CAMK4: variants seen among roughly 807,000 people sequenced by gnomAD.
CAMK4 encodes calcium/calmodulin dependent protein kinase IV.
In CAMK4, 22 loss-of-function variants were observed where a neutral mutation model predicts 44.9. That is an observed-to-expected ratio of 0.49 (90% confidence interval 0.35 to 0.70). The LOEUF (loss-of-function observed/expected upper bound fraction) is 0.70. CAMK4 is among the 30% of genes least tolerant of loss of function. The probability of loss-of-function intolerance (pLI) is 0.01; values close to 1 mark genes in which losing one functional copy is unlikely to be tolerated. For synonymous variants in CAMK4, 218 were observed against 215.4 expected (o/e 1.01, Z -0.11); for missense variants, 498 against 586.8 (o/e 0.85, Z 1.56).
At chr5:111,362,585 A>G (rs979903799) in intron 2 of CAMK4, among the ~76,000 whole-genome samples, 9 of 152,188 alleles carry the variant, frequency 5.9e-5, no homozygotes, top group East Asian at 1.9e-4. Context: ...TATATTTTCT[A>G]TATTTTTAAA....
At chr5:111,416,848 A>G (rs1752832918) in intron 5 of CAMK4, among the ~76,000 whole-genome samples, 1 of 152,192 alleles carries the variant, frequency 6.6e-6, no homozygotes, top group African/African-American at 2.4e-5. Context: ...TAATTGTATT[A>G]TAAATTGTTA....
At position 111,369,213 on chromosome 5, in the gene CAMK4, G is replaced by A. The variant is rs913063521; in HGVS notation, c.241-5637G>A. Among the ~76,000 whole-genome samples the A allele has an allele frequency of 3.9e-5, 6 of 151,904 alleles. No individual in the cohort carries two copies. In the South Asian group the frequency reaches 1.2e-3, roughly 32 times the overall value. On this transcript the variant is annotated intron_variant, in intron 2 of 10. Coordinates refer to ENST00000282356, the MANE Select transcript of CAMK4 (RefSeq NM_001744.6). ...CCTGAGTGGCTGGGATTACAGGCATGTGTTGCCATGCCCCGCTAATTTTGT... is the reference window on the plus strand; with the variant it reads ...CCTGAGTGGCTGGGATTACAGGCATATGTTGCCATGCCCCGCTAATTTTGT...
chr5:111,325,988 T>C (rs1285321541), intron 1 of CAMK4, among the ~76,000 whole-genome samples: 1 of 152,094 alleles, frequency 6.6e-6, no homozygotes, highest in African/African-American at 2.4e-5. Flanking sequence ...AATTTTAGCA[T>C]TGAATGTTTT....
intron 1 of CAMK4, among the ~76,000 whole-genome samples, chr5:111,289,783 G>T (rs1751371429): frequency 6.6e-6 from 1 of 152,182 alleles, no homozygotes; most frequent in African/African-American, 2.4e-5. Context: ...TGCACCAAAA[G>T]ATGCCCAATG....
intron 1 of CAMK4, among the ~76,000 whole-genome samples, chr5:111,341,031 T>C (rs1749620512): frequency 6.6e-6 from 1 of 151,130 alleles, no homozygotes; most frequent in Non-Finnish European, 1.5e-5. Flanking sequence ...TTAAGACCCT[T>C]TACATTTCTG....
At chr5:111,365,836 G>T (rs1750772717) in intron 2 of CAMK4, among the ~76,000 whole-genome samples, 1 of 152,052 alleles carries the variant, frequency 6.6e-6, no homozygotes, top group Non-Finnish European at 1.5e-5. Context: ...GTACTTATTG[G>T]AGGTACCAGC....
At chr5:111,238,444 G>T (rs1206843280) in intron 1 of CAMK4, among the ~76,000 whole-genome samples, 1 of 152,036 alleles carries the variant, frequency 6.6e-6, no homozygotes, top group Admixed American at 6.6e-5. Context: ...GACCATGGAG[G>T]ACACAGCAAG....
chr5:111,453,701 G>A (rs1476626664), intron 7 of CAMK4, among the ~76,000 whole-genome samples: 2 of 152,196 alleles, frequency 1.3e-5, no homozygotes, highest in Non-Finnish European at 2.9e-5. Flanking sequence ...GGCACAGCAA[G>A]CCACCCAGGG....
chr5:111,288,346 C>T (rs1488309481), intron 1 of CAMK4, among the ~76,000 whole-genome samples: 2 of 152,274 alleles, frequency 1.3e-5, no homozygotes, highest in African/African-American at 4.8e-5. Flanking sequence ...GATTGGTGCT[C>T]ATAGGGATGC....
intron 1 of CAMK4, among the ~76,000 whole-genome samples, chr5:111,317,319 G>T (rs1440672939): frequency 6.6e-6 from 1 of 152,046 alleles, no homozygotes; most frequent in Admixed American, 6.6e-5. Flanking sequence ...TTCCTAGTTA[G>T]ATCTATATAG....
chr5:111,484,519 C>A lies in CAMK4; in HGVS notation c.*53C>A. The A allele has an allele frequency of 7.7e-7, 1 of 1,291,260 alleles. No individual in the cohort carries two copies. Among genetic ancestry groups the A allele is most frequent in the Non-Finnish European group, 1.1e-6 (1 of 949,164 alleles). 80.0% of individuals were successfully genotyped at this position (1,291,260 alleles called of 1,614,324 possible). On this transcript the variant is annotated 3_prime_UTR_variant, in exon 11 of 11. Coordinates refer to ENST00000282356, the MANE Select transcript of CAMK4 (RefSeq NM_001744.6). The surrounding 1 kb of genome is among the most constrained non-coding windows in gnomAD (Gnocchi z 5.3). ...ACACCGGCATTTTATGTACTTTGTC[C>A]TTCAGCAAGAAAGGTGTGGAAGCAT...
intron 5 of CAMK4, among the ~76,000 whole-genome samples, chr5:111,395,230 A>AAAAAAG (rs1751959703): frequency 8.5e-5 from 9 of 106,456 alleles, no homozygotes; most frequent in Non-Finnish European, 1.3e-4. Flanking sequence ...AAAAAAAAGA[A>AAAAAAG]AAAAAAAAAG....
Position 111,299,834 on chromosome 5 carries a change from A to G in CAMK4, c.162-44190A>G, listed in dbSNP as rs74343282. Among the ~76,000 whole-genome samples the G allele has an allele frequency of 2.5e-3, 374 of 152,126 alleles. 2 individuals are homozygous for G. The highest frequency in any genetic ancestry group is 8.6e-3 in the African/African-American group (358 of 41,508). On this transcript the variant is annotated intron_variant, in intron 1 of 10. Transcript: ENST00000282356. ...CCTCCCATTTCTGTGTTTTTTTTAA[A>G]GGTTTCTATAACTCCTAATCATTTG...
chr5:111,238,034 C>G (rs2112511053), intron 1 of CAMK4, among the ~76,000 whole-genome samples: 1 of 152,198 alleles, frequency 6.6e-6, no homozygotes, highest in Admixed American at 6.5e-5. Context: ...TTTTGACAAC[C>G]AGAGGCCAGG....
chr5:111,444,218 A>G (rs866260049), intron 5 of CAMK4, among the ~76,000 whole-genome samples: 4 of 152,208 alleles, frequency 2.6e-5, no homozygotes, highest in Non-Finnish European at 4.4e-5. Context: ...TCTAGTGTGT[A>G]GTTGTGATAC....
At chr5:111,473,221 T>C in intron 7 of CAMK4, 90 bp from the exon 8 acceptor site, 1 of 877,978 alleles carries the variant, frequency 1.1e-6, no homozygotes, top group South Asian at 1.3e-5. Context: ...AGAAATTGTT[T>C]TGATGAATTT....
chr5:111,484,605 T>C lies in CAMK4; in HGVS notation c.*139T>C, dbSNP rs554659245. 1 of 456,452 alleles carries C rather than the reference T, an allele frequency of 2.2e-6. No individual in the cohort carries two copies. The highest frequency in any genetic ancestry group is 3.7e-6 in the Non-Finnish European group (1 of 270,076). The allele number at this position is 456,452 out of a possible 1,614,324, so 28.3% of individuals were successfully genotyped here. A position where few individuals can be genotyped will look rare whatever the true frequency, so the allele number is the denominator to read the frequency against. ...AAAAACATACATATATACCAGTTGG[T>C]AATTCTAACTTCAATGCATGTGACT... is the stretch of plus-strand genomic sequence containing the variant. On this transcript the variant is annotated 3_prime_UTR_variant, in exon 11 of 11. Transcript: ENST00000282356. The surrounding 1 kb of genome is among the most constrained non-coding windows in gnomAD (Gnocchi z 5.3).
At chr5:111,364,206 T>TA (rs35669560) in intron 2 of CAMK4, among the ~76,000 whole-genome samples, 138,415 of 152,004 alleles carry the variant, frequency 0.91, 63,119 homozygotes, top group East Asian at 1. Context: ...TGAGAGTTAT[T>TA]AATCAGGATC....
chr5:111,253,368 T>C (rs1017115425), intron 1 of CAMK4, among the ~76,000 whole-genome samples: 1 of 152,228 alleles, frequency 6.6e-6, no homozygotes, highest in Non-Finnish European at 1.5e-5. Flanking sequence ...GCTGCCCTGC[T>C]TGCCCCGGAA....
Sources: allele counts gnomAD v4.1 joint callset (sites outside exome capture counted in the v4.1 genomes callset), GRCh38; gene constraint gnomAD v4.1.1; non-coding constraint Gnocchi (gnomAD v3.1); transcripts MANE v1.5; gene names NCBI Gene and HGNC (gene_info 2026-07-23, HGNC 2026-07-21).